HDAC8: variants seen among roughly 807,000 people sequenced by gnomAD.
HDAC8 encodes the protein histone deacetylase 8.
Under a neutral mutation model 32.2 loss-of-function variants are expected in HDAC8, and 1 was observed. The observed-to-expected ratio is 0.03, with a 90% CI of 0.01 to 0.15. The LOEUF (loss-of-function observed/expected upper bound fraction) is 0.15, where lower values mean the gene tolerates loss of function less well. Among genes scored for constraint, HDAC8 ranks in the 10% least tolerant of loss-of-function variants. The pLI is 1.00. For synonymous variants in HDAC8, 108 were observed against 113.9 expected, an observed-to-expected ratio of 0.95 and a Z score of 0.33; for missense variants, 117 against 300.0, an observed-to-expected ratio of 0.39 and a Z score of 4.51.
intron 7 of HDAC8, among the ~76,000 whole-genome samples, chrX:72,475,206 T>A (rs1171082316): frequency 9.0e-6 from 1 of 111,501 alleles, no homozygotes; most frequent in Non-Finnish European, 1.9e-5. Context: ...GATTAAAGAA[T>A]GAGAAATTCA....
intron 9 of HDAC8, among the ~76,000 whole-genome samples, chrX:72,454,246 A>T (rs2047665164): frequency 2.7e-5 from 3 of 112,284 alleles, no homozygotes; most frequent in African/African-American, 6.5e-5. Context: ...ACCGAAGGCC[A>T]GAGAGGAGCA....
At chrX:72,354,387 G>A (rs1291541343) in intron 9 of HDAC8, among the ~76,000 whole-genome samples, 2 of 112,561 alleles carry the variant, frequency 1.8e-5, no homozygotes, top group Non-Finnish European at 3.7e-5. Context: ...GGCCTGCAAA[G>A]GTAGAAACTT....
intron 4 of HDAC8, among the ~76,000 whole-genome samples, chrX:72,525,436 G>A (rs782184484): frequency 6.3e-5 from 7 of 110,620 alleles, no homozygotes; most frequent in Non-Finnish European, 1.3e-4. Context: ...CAGGATTAGC[G>A]TCACAACCTT....
At chrX:72,405,126 A>T (rs781844202) in intron 9 of HDAC8, among the ~76,000 whole-genome samples, 5 of 109,190 alleles carry the variant, frequency 4.6e-5, no homozygotes, top group Non-Finnish European at 9.6e-5. Context: ...CTCCTCCCAT[A>T]CTCCACCCTC....
At chrX:72,398,057 A>G (rs1012782552) in intron 9 of HDAC8, among the ~76,000 whole-genome samples, 31 of 112,238 alleles carry the variant, frequency 2.8e-4, no homozygotes, top group Non-Finnish European at 4.9e-4. Context: ...TGTTTAATAT[A>G]TACTCCCATC....
At chrX:72,338,067 C>G (rs1428744245) in intron 10 of HDAC8, among the ~76,000 whole-genome samples, 3 of 112,111 alleles carry the variant, frequency 2.7e-5, no homozygotes, top group Non-Finnish European at 5.6e-5. Context: ...CTCAGTCACT[C>G]CTTTTCTGTC....
intron 4 of HDAC8, among the ~76,000 whole-genome samples, chrX:72,556,892 C>T (rs992648077): frequency 6.2e-5 from 7 of 112,013 alleles, no homozygotes; most frequent in Non-Finnish European, 1.1e-4. Context: ...ACTATACTCT[C>T]GAACAAATGG....
intron 4 of HDAC8, among the ~76,000 whole-genome samples, chrX:72,512,978 A>C (rs2147337492): frequency 9.0e-6 from 1 of 111,438 alleles, no homozygotes; most frequent in Non-Finnish European, 1.9e-5. Flanking sequence ...CTAAACATAA[A>C]ATGTTCTTCA....
intron 9 of HDAC8, among the ~76,000 whole-genome samples, chrX:72,419,644 A>G (rs1457699353): frequency 9.0e-6 from 1 of 111,718 alleles, no homozygotes; most frequent in African/African-American, 3.2e-5. Flanking sequence ...CTTCCAGTAC[A>G]ACATAGAATA....
chrX:72,442,555 C>T (rs1411356331), intron 9 of HDAC8, among the ~76,000 whole-genome samples: 1 of 111,865 alleles, frequency 8.9e-6, no homozygotes, highest in Admixed American at 9.5e-5. Context: ...TGGAAAAGAA[C>T]AACTGGTGCC....
chrX:72,548,136 A>G (rs566488615), intron 4 of HDAC8, among the ~76,000 whole-genome samples: 1 of 111,601 alleles, frequency 9.0e-6, no homozygotes, highest in East Asian at 2.8e-4. Context: ...TCCTACAAAC[A>G]TCTAACCGTG....
intron 9 of HDAC8, among the ~76,000 whole-genome samples, chrX:72,432,740 G>A (rs1291611567): frequency 9.0e-6 from 1 of 110,530 alleles, no homozygotes; most frequent in Non-Finnish European, 1.9e-5. Flanking sequence ...CTTATGTTTT[G>A]CGTGTTTTTT....
At position 72,436,456 on chromosome X, in the gene HDAC8, C is replaced by T. The variant is rs966595331; in HGVS notation, c.1005+25548G>A. ...AAAAGAATTGTCAGTCCAGACAATT[C>T]TATACCCAATTCTATACCCAGTGAA... is the stretch of plus-strand genomic sequence containing the variant. On this transcript the variant is annotated intron_variant, in intron 9 of 10. Coordinates refer to ENST00000373573, the MANE Select transcript of HDAC8 (RefSeq NM_018486.3). Among the ~76,000 whole-genome samples, 8 of 111,387 alleles carry T rather than the reference C, an allele frequency of 7.2e-5. 1 individual carries two copies. Among genetic ancestry groups the T allele is most frequent in the South Asian group, 3.8e-4 (1 of 2,630 alleles).
In HDAC8 at chrX:72,513,035, C is replaced by A. The variant is rs146078328; in HGVS notation, c.438-17767G>T. 3.5e-3 allele frequency among the ~76,000 whole-genome samples: 391 copies of A among 111,816 alleles called. 2 individuals carry two copies. Among genetic ancestry groups the A allele is most frequent in the African/African-American group, 0.012 (364 of 30,759 alleles). On this transcript the variant is annotated intron_variant, in intron 4 of 10. Coordinates refer to ENST00000373573, the MANE Select transcript of HDAC8 (RefSeq NM_018486.3). ...GCATAGTTTTGGACTTGTAGAATGACTTCCATCTCCTCTGATGAACTCCTA... is the reference window on the plus strand; with the variant it reads ...GCATAGTTTTGGACTTGTAGAATGAATTCCATCTCCTCTGATGAACTCCTA...
At chrX:72,385,389 A>G (rs2045396223) in intron 9 of HDAC8, among the ~76,000 whole-genome samples, 1 of 110,665 alleles carries the variant, frequency 9.0e-6, no homozygotes, top group Non-Finnish European at 1.9e-5. Context: ...ACTTGAGCAT[A>G]GGAGGTCGAG....
At chrX:72,480,033 C>T (rs782009317) in intron 7 of HDAC8, among the ~76,000 whole-genome samples, 9 of 112,385 alleles carry the variant, frequency 8.0e-5, no homozygotes, top group Non-Finnish European at 1.3e-4. Context: ...GCCTCATTTC[C>T]ACCTGTGGCT....
intron 5 of HDAC8, among the ~76,000 whole-genome samples, chrX:72,494,422 G>A (rs1193151194): frequency 2.7e-5 from 3 of 110,912 alleles, no homozygotes; most frequent in Admixed American, 1.9e-4. Flanking sequence ...TGAGGGAGGA[G>A]TATTTTTAAC....
rs1286578198 is a variant in HDAC8 at position 72,514,793 on chromosome X, C to T, written c.438-19525G>A. 3.6e-5 allele frequency among the ~76,000 whole-genome samples: 4 copies of T among 111,732 alleles called. No individual in the cohort carries two copies. In the Admixed American group the frequency reaches 3.8e-4, roughly 11 times the overall value. On this transcript the variant is annotated intron_variant, in intron 4 of 10. Coordinates refer to ENST00000373573, the MANE Select transcript of HDAC8 (RefSeq NM_018486.3). ...TCCGAAAGTCTGTAATATGATAAGCCTCTCTTTGATACTCAGGACCAGTCC... is the reference window on the plus strand; with the variant it reads ...TCCGAAAGTCTGTAATATGATAAGCTTCTCTTTGATACTCAGGACCAGTCC...
chrX:72,411,531 A>G (rs782179213), intron 9 of HDAC8, among the ~76,000 whole-genome samples: 3 of 112,001 alleles, frequency 2.7e-5, no homozygotes, highest in Non-Finnish European at 5.6e-5. Context: ...CTCTCCAATT[A>G]GATTACAAAT....
Sources: gnomAD v4.1 joint callset for allele counts (sites outside exome capture counted in the v4.1 genomes callset) on GRCh38, gnomAD v4.1.1 for gene constraint, MANE v1.5 for transcripts, NCBI Gene and HGNC (gene_info 2026-07-23, HGNC 2026-07-21) for gene names.